ZNF385D: variants seen among roughly 807,000 people sequenced by gnomAD.
The protein encoded by ZNF385D is zinc finger protein 385D, also known as zinc finger protein 659.
ZNF385D carries 15 observed loss-of-function variants against 35.8 expected under a neutral mutation model. The ratio of observed to expected loss-of-function variants is 0.42; its 90% CI spans 0.28 to 0.64. The LOEUF is 0.64. Among genes scored for constraint, ZNF385D ranks in the 30% least tolerant of loss-of-function variants. ZNF385D has a pLI of 0.23. For synonymous variants in ZNF385D, 212 were observed against 186.8 expected (o/e 1.13, Z -1.10); for missense variants, 474 against 494.6 (o/e 0.96, Z 0.39).
At position 22,357,712 on chromosome 3, in the gene ZNF385D, C is replaced by T. The variant is rs779036585; in HGVS notation, c.106+14738G>A. ...GGTCACAGGTTAACAAAGGCTTCAC[C>T]ATCTGGAGTACTGTTTGTCTCTGAC... On this transcript the variant is annotated intron_variant, in intron 2 of 5. Coordinates refer to the ZNF385D transcript ENST00000494108. Among the ~76,000 whole-genome samples the T allele has an allele frequency of 9.2e-5, 14 of 151,960 alleles. No individual in the cohort carries two copies. In the Middle Eastern group the frequency reaches 0.014, roughly 148 times the overall value.
At chr3:21,720,599 C>T (rs1156332610) in intron 1 of ZNF385D, among the ~76,000 whole-genome samples, 3 of 152,144 alleles carry the variant, frequency 2.0e-5, no homozygotes, top group Admixed American at 6.5e-5. Flanking sequence ...ATACTGAATC[C>T]GAAGCCAAAA....
chr3:21,608,896 G>A (rs1379490), intron 2 of ZNF385D, among the ~76,000 whole-genome samples: 87,607 of 151,998 alleles, frequency 0.58, 26,031 homozygotes, highest in East Asian at 0.74. Context: ...TCTTATATCA[G>A]TGTATTCAGA....
rs80256044 is a variant in ZNF385D, at chr3:22,271,917, A to G, written c.106+100533T>C. 4.4e-3 allele frequency among the ~76,000 whole-genome samples: 675 copies of G among 152,178 alleles called. 7 individuals carry two copies. The highest frequency in any genetic ancestry group is 0.015 in the African/African-American group (642 of 41,566). The stretch of plus-strand genomic sequence containing the variant: ...AAACAATACGCATTCAGTAGAAACA[A>G]TACTTTGAATATTGAATTTTGATCT... On this transcript the variant is annotated intron_variant, in intron 2 of 5. Coordinates refer to the ZNF385D transcript ENST00000494108.
At chr3:21,939,362 A>G (rs1265444840) in intron 3 of ZNF385D, among the ~76,000 whole-genome samples, 1 of 152,178 alleles carries the variant, frequency 6.6e-6, no homozygotes, top group Non-Finnish European at 1.5e-5. Context: ...CTCAAAGACC[A>G]TTCAGAAGGT....
chr3:21,903,972 T>C (rs1385351262), intron 3 of ZNF385D, among the ~76,000 whole-genome samples: 2 of 152,134 alleles, frequency 1.3e-5, no homozygotes, highest in African/African-American at 4.8e-5. Context: ...TTGATGACTT[T>C]TCAAAGGTTT....
At chr3:22,225,398 C>G (rs1426486223) in intron 2 of ZNF385D, among the ~76,000 whole-genome samples, 1 of 152,116 alleles carries the variant, frequency 6.6e-6, no homozygotes, top group Admixed American at 6.6e-5. Flanking sequence ...CCGAGCCCAC[C>G]CTGAACCCAT....
chr3:21,799,468 T>G (rs568919233), intron 3 of ZNF385D, among the ~76,000 whole-genome samples: 1 of 152,322 alleles, frequency 6.6e-6, no homozygotes, highest in East Asian at 1.9e-4. Context: ...ATGGAGTATT[T>G]GTGGTTTCCG....
At chr3:22,279,507 T>C (rs1701610580) in intron 2 of ZNF385D, among the ~76,000 whole-genome samples, 2 of 138,110 alleles carry the variant, frequency 1.4e-5, no homozygotes, top group Non-Finnish European at 3.0e-5. Context: ...TATGTACATA[T>C]ATATGTATAT....
chr3:22,073,184 C>A (rs193045075), intron 3 of ZNF385D, among the ~76,000 whole-genome samples: 5 of 152,062 alleles, frequency 3.3e-5, no homozygotes, highest in East Asian at 1.9e-4. Flanking sequence ...AAAATCTAGA[C>A]CTTTGCTGTG....
At chr3:21,863,753 C>T (rs900455868) in intron 3 of ZNF385D, among the ~76,000 whole-genome samples, 1 of 152,092 alleles carries the variant, frequency 6.6e-6, no homozygotes, top group African/African-American at 2.4e-5. Context: ...TACAGAAAAG[C>T]TGGAATTTTA....
At chr3:21,759,066 G>A (rs1336662942) in intron 3 of ZNF385D, among the ~76,000 whole-genome samples, 3 of 140,484 alleles carry the variant, frequency 2.1e-5, no homozygotes, top group East Asian at 2.4e-4. Flanking sequence ...TTACCTCCCT[G>A]TTTTTCAAAG....
chr3:22,042,028 G>A (rs1698694949), intron 3 of ZNF385D, among the ~76,000 whole-genome samples: 1 of 152,132 alleles, frequency 6.6e-6, no homozygotes, highest in Admixed American at 6.6e-5. Flanking sequence ...TTTAATAGGA[G>A]AAACATAGTG....
At chr3:21,958,485 A>G (rs1702405725) in intron 3 of ZNF385D, among the ~76,000 whole-genome samples, 2 of 152,144 alleles carry the variant, frequency 1.3e-5, no homozygotes, top group Admixed American at 1.3e-4. Flanking sequence ...CCTTGCTGGG[A>G]ACATGTTACG....
At chr3:22,087,515 G>A (rs189530363) in intron 3 of ZNF385D, among the ~76,000 whole-genome samples, 2 of 152,252 alleles carry the variant, frequency 1.3e-5, no homozygotes, top group Non-Finnish European at 2.9e-5. Context: ...CCTGTTTGCT[G>A]AAATGTAACA....
intron 3 of ZNF385D, among the ~76,000 whole-genome samples, chr3:21,945,298 G>C (rs534394813): frequency 6.6e-6 from 1 of 152,078 alleles, no homozygotes; most frequent in African/African-American, 2.4e-5. Flanking sequence ...TGACTTAATA[G>C]AGTTTGTGAA....
chr3:22,186,671 G>C (rs1268185701), intron 2 of ZNF385D, among the ~76,000 whole-genome samples: 1 of 152,044 alleles, frequency 6.6e-6, no homozygotes, highest in Non-Finnish European at 1.5e-5. Flanking sequence ...GGTCTCATGA[G>C]AATAATTTCC....
intron 2 of ZNF385D, among the ~76,000 whole-genome samples, chr3:22,353,378 G>T (rs1220485059): frequency 2.6e-5 from 4 of 152,108 alleles, no homozygotes; most frequent in Non-Finnish European, 5.9e-5. Context: ...CCAGGTCAGT[G>T]GTTCAGAAAA....
rs570915144 is a variant in ZNF385D, at chr3:21,490,983, A to G, written c.439+19878T>C. On this transcript the variant is annotated intron_variant, in intron 4 of 7. Transcript: ENST00000281523. ...ATCTCTCTGCTAAGCCAGTTTTCAGAGACGGCCAACTTCTAAATTGGCAGC... is the reference window on the plus strand; with the variant it reads ...ATCTCTCTGCTAAGCCAGTTTTCAGGGACGGCCAACTTCTAAATTGGCAGC... 4.6e-5 allele frequency among the ~76,000 whole-genome samples: 5 copies of G among 108,062 alleles called. No homozygotes were observed. The East Asian group carries it at 1.3e-3, about 27-fold the overall frequency. The allele number at this position is 108,062 out of a possible 152,430, so 70.9% of individuals were successfully genotyped here. A position where few individuals can be genotyped will look rare whatever the true frequency, so the allele number is the denominator to read the frequency against.
intron 3 of ZNF385D, among the ~76,000 whole-genome samples, chr3:22,007,711 T>C (rs1364131425): frequency 6.6e-6 from 1 of 152,202 alleles, no homozygotes; most frequent in East Asian, 1.9e-4. Flanking sequence ...AGTATAGTTT[T>C]AGTTTACATT....
Sources: allele counts gnomAD v4.1 joint callset (sites outside exome capture counted in the v4.1 genomes callset), GRCh38; gene constraint gnomAD v4.1.1; transcripts MANE v1.5; gene names NCBI Gene and HGNC (gene_info 2026-07-23, HGNC 2026-07-21).